The following BMPR1A variants were observed in gnomAD, a reference collection of about 807,000 sequenced individuals.
BMPR1A encodes bone morphogenetic protein receptor type-1A.
In BMPR1A, 7 loss-of-function variants were observed where a neutral mutation model predicts 66.0. That is an observed-to-expected ratio of 0.11 (90% confidence interval 0.06 to 0.20). The LOEUF is 0.20. Among genes scored for constraint, BMPR1A ranks in the 10% least tolerant of loss-of-function variants. The pLI, the probability that BMPR1A is intolerant of heterozygous loss-of-function variation, is 1.00. For synonymous variants in BMPR1A, 200 were observed against 229.7 expected, an observed-to-expected ratio of 0.87 and a Z score of 1.17; for missense variants, 408 against 669.1, an observed-to-expected ratio of 0.61 and a Z score of 4.31.
intron 1 of BMPR1A, among the ~76,000 whole-genome samples, chr10:86,763,073 T>G (rs1841095327): frequency 6.6e-6 from 1 of 152,042 alleles, no homozygotes; most frequent in African/African-American, 2.4e-5. Context: ...TTTTTGTATT[T>G]TTAGTAGAGA....
intron 7 of BMPR1A, 103 bp downstream of exon 7, chr10:86,900,229 T>G: frequency 9.0e-7 from 1 of 1,106,570 alleles, no homozygotes; most frequent in Non-Finnish European, 1.3e-6. Flanking sequence ...TATTCTCTGG[T>G]TGTATATCTC....
chr10:86,783,030 T>C (rs1369952124), intron 1 of BMPR1A, among the ~76,000 whole-genome samples: 1 of 152,244 alleles, frequency 6.6e-6, no homozygotes. Flanking sequence ...TAATCAATTT[T>C]TAGTTATTTT....
intron 7 of BMPR1A, among the ~76,000 whole-genome samples, chr10:86,907,383 G>T (rs536430788): frequency 6.6e-6 from 1 of 152,342 alleles, no homozygotes; most frequent in South Asian, 2.1e-4. Context: ...ACTGCTGGTG[G>T]AAATGTAAAT....
In BMPR1A at chr10:86,781,797, G is replaced by A. The variant is rs142730016; in HGVS notation, c.-268+24878G>A. Among the ~76,000 whole-genome samples the A allele has an allele frequency of 4.5e-3, 678 of 149,460 alleles. 3 individuals are homozygous for A. Among genetic ancestry groups the A allele is most frequent in the Middle Eastern group, 0.011 (3 of 282 alleles). Reference sequence around the variant, plus strand: ...CAGTACTTGTTGTTTTATGATTGGCGTATTTCACTTAGCATAAAGTCCCCA... The same window carrying A: ...CAGTACTTGTTGTTTTATGATTGGCATATTTCACTTAGCATAAAGTCCCCA... On this transcript the variant is annotated intron_variant, in intron 1 of 12. Transcript: ENST00000372037.
At chr10:86,796,107 A>C (rs934764371) in intron 1 of BMPR1A, among the ~76,000 whole-genome samples, 9 of 152,172 alleles carry the variant, frequency 5.9e-5, no homozygotes, top group African/African-American at 2.2e-4. Context: ...AAACGTCATA[A>C]AATCCCAGTG....
At chr10:86,774,496 T>C (rs1841314886) in intron 1 of BMPR1A, among the ~76,000 whole-genome samples, 1 of 152,166 alleles carries the variant, frequency 6.6e-6, no homozygotes, top group South Asian at 2.1e-4. Context: ...GCCAGATTTT[T>C]TTTATAAGAC....
At chr10:86,837,889 A>C (rs1002866364) in intron 1 of BMPR1A, among the ~76,000 whole-genome samples, 1 of 152,192 alleles carries the variant, frequency 6.6e-6, no homozygotes, top group Non-Finnish European at 1.5e-5. Flanking sequence ...GCTACCTGAT[A>C]TGCTAGACCG....
chr10:86,757,740 C>A (rs887830199), intron 1 of BMPR1A, among the ~76,000 whole-genome samples: 1 of 152,244 alleles, frequency 6.6e-6, no homozygotes, highest in East Asian at 1.9e-4. Context: ...TCATTTAATC[C>A]TTACAACGAT....
intron 2 of BMPR1A, among the ~76,000 whole-genome samples, chr10:86,854,072 T>G (rs1842608463): frequency 6.6e-6 from 1 of 151,848 alleles, no homozygotes; most frequent in South Asian, 2.1e-4. Flanking sequence ...GGGGACCATT[T>G]CAGAGGCCCA....
At chr10:86,842,505 A>C (rs1015982042) in intron 2 of BMPR1A, among the ~76,000 whole-genome samples, 10 of 152,196 alleles carry the variant, frequency 6.6e-5, no homozygotes, top group Non-Finnish European at 1.5e-4. Context: ...AAGGCTGGAA[A>C]GGACCTTATG....
chr10:86,893,823 A>G (rs1843190734), intron 5 of BMPR1A, among the ~76,000 whole-genome samples: 1 of 152,078 alleles, frequency 6.6e-6, no homozygotes, highest in South Asian at 2.1e-4. Context: ...CAGGATGGAT[A>G]GAAACCTTAA....
At chr10:86,835,391 G>A (rs1039787325) in intron 1 of BMPR1A, among the ~76,000 whole-genome samples, 8 of 149,446 alleles carry the variant, frequency 5.4e-5, no homozygotes, top group African/African-American at 2.0e-4. Context: ...TGGTGAAACC[G>A]CATCTCTACT....
intron 7 of BMPR1A, among the ~76,000 whole-genome samples, chr10:86,904,720 A>G (rs1055470372): frequency 3.9e-5 from 6 of 152,210 alleles, no homozygotes; most frequent in African/African-American, 1.4e-4. Flanking sequence ...TTTAAGATGA[A>G]CAAAAAAGAC....
At chr10:86,764,170 A>G (rs1258136180) in intron 1 of BMPR1A, among the ~76,000 whole-genome samples, 1 of 152,212 alleles carries the variant, frequency 6.6e-6, no homozygotes, top group East Asian at 1.9e-4. Flanking sequence ...AATGCTTTGT[A>G]ATGTATTTCA....
chr10:86,763,681 T>A (rs1459499802), intron 1 of BMPR1A, among the ~76,000 whole-genome samples: 1 of 152,172 alleles, frequency 6.6e-6, no homozygotes, highest in Non-Finnish European at 1.5e-5. Context: ...TTACCTCCTT[T>A]TTTGAGCATT....
Position 86,917,048 on chromosome 10 carries a change from CT to C in BMPR1A, c.676-81del, listed in dbSNP as rs561104666. ...ACTGGAGTTGGTTGGGTACACCATG[CT>C]TTTTGATGAGATGGACTACCCCTTT... On this transcript the variant is annotated intron_variant, in intron 8 of 12. Coordinates refer to ENST00000372037, the MANE Select transcript of BMPR1A (RefSeq NM_004329.3). 11,400 of 1,449,446 alleles carry C rather than the reference CT, an allele frequency of 7.9e-3. 69 individuals carry two copies. Among genetic ancestry groups the C allele is most frequent in the Middle Eastern group, 0.017 (98 of 5,780 alleles). The allele number at this position is 1,449,446 out of a possible 1,614,324, so 89.8% of individuals were successfully genotyped here. A position where few individuals can be genotyped will look rare whatever the true frequency, so the allele number is the denominator to read the frequency against.
intron 10 of BMPR1A, among the ~76,000 whole-genome samples, chr10:86,920,575 T>G (rs1232249917): frequency 6.6e-5 from 10 of 152,250 alleles, no homozygotes; most frequent in Non-Finnish European, 1.2e-4. Context: ...TAGTATTTGT[T>G]GGCTCAGATA....
intron 1 of BMPR1A, among the ~76,000 whole-genome samples, chr10:86,797,063 C>CTTTTCTT (rs573396768): frequency 0.053 from 6,058 of 113,938 alleles, 283 homozygotes; most frequent in South Asian, 0.098. Context: ...TTTTTCTTTT[C>CTTTTCTT]TTTTCTTTTT....
intron 1 of BMPR1A, among the ~76,000 whole-genome samples, chr10:86,768,649 G>C (rs936088807): frequency 2.0e-5 from 3 of 152,176 alleles, no homozygotes; most frequent in African/African-American, 7.2e-5. Context: ...AAGAAATCCT[G>C]ATATGGTTAT....
Sources: gnomAD v4.1 joint callset for allele counts (sites outside exome capture counted in the v4.1 genomes callset) on GRCh38, gnomAD v4.1.1 for gene constraint, MANE v1.5 for transcripts, NCBI Gene and HGNC (gene_info 2026-07-23, HGNC 2026-07-21) for gene names.